The following DDHD2 variants were observed in gnomAD, a reference collection of about 807,000 sequenced individuals.
DDHD2 encodes the protein triacylglycerol hydrolase DDHD2.
Under a neutral mutation model 91.2 loss-of-function variants are expected in DDHD2, and 62 were observed. The ratio of observed to expected loss-of-function variants is 0.68; its 90% confidence interval spans 0.55 to 0.84. The LOEUF (loss-of-function observed/expected upper bound fraction) is 0.84, where lower values mean the gene tolerates loss of function less well. Ranked by LOEUF, DDHD2 falls within the 40% of genes least tolerant of loss-of-function variation. DDHD2 has a pLI of 0.00. For synonymous variants in DDHD2, 271 were observed against 293.9 expected, an observed-to-expected ratio of 0.92 and a Z score of 0.80; for missense variants, 740 against 846.9, an observed-to-expected ratio of 0.87 and a Z score of 1.57.
At chr8:38,244,996 T>C (rs965307533) in intron 7 of DDHD2, among the ~76,000 whole-genome samples, 71 of 151,060 alleles carry the variant, frequency 4.7e-4, no homozygotes, top group African/African-American at 1.7e-3. Flanking sequence ...TTATACATAT[T>C]TTATACATAT....
downstream of DDHD2, chr8:38,264,966 A>G (rs764558852): frequency 4.4e-6 from 7 of 1,574,502 alleles, no homozygotes; most frequent in East Asian, 1.3e-4. Flanking sequence ...GAAGGAATAA[A>G]GTATTTTAAG....
chr8:38,251,870 G>A lies in DDHD2; in HGVS notation c.1345-42G>A, dbSNP rs369707135. The A allele has an allele frequency of 6.7e-5, 99 of 1,470,636 alleles. No individual in the cohort carries two copies. In the Middle Eastern group the frequency reaches 8.6e-4, roughly 13 times the overall value. 91.1% of individuals were successfully genotyped at this position (1,470,636 alleles called of 1,614,324 possible). On this transcript the variant is annotated intron_variant, in intron 11 of 17. Coordinates refer to ENST00000397166, the MANE Select transcript of DDHD2 (RefSeq NM_015214.3). ...GTAGCTGGGACTACAGGTGCATGCC[G>A]TCATGCCCAGCTTCTCCACATAACT...
intron 16 of DDHD2, among the ~76,000 whole-genome samples, chr8:38,256,046 C>T (rs979485580): frequency 4.6e-5 from 7 of 152,126 alleles, no homozygotes; most frequent in Non-Finnish European, 7.3e-5. Flanking sequence ...ATATACTGTA[C>T]ATATTAAAAG....
downstream of DDHD2, chr8:38,264,976 GA>G: frequency 6.5e-7 from 1 of 1,539,648 alleles, no homozygotes; most frequent in East Asian, 2.2e-5. Flanking sequence ...AGTATTTTAA[GA>G]GTTGCTTCTC....
chr8:38,266,392 ATGAG>A, downstream of DDHD2: 2 of 1,258,288 alleles, frequency 1.6e-6, no homozygotes, highest in Non-Finnish European at 2.2e-6. Context: ...GCTAGGAAGC[ATGAG>A]TATGTTTTTA....
chr8:38,245,579 C>T (rs1463884276), intron 7 of DDHD2, among the ~76,000 whole-genome samples, 163 bp from the exon 8 acceptor site: 1 of 152,102 alleles, frequency 6.6e-6, no homozygotes, highest in East Asian at 1.9e-4. Flanking sequence ...TTGCTTATCA[C>T]ATTCCTCTGG....
intron 6 of DDHD2, 149 bp downstream of exon 6, chr8:38,240,513 C>G (rs1224599350): frequency 2.1e-6 from 1 of 475,206 alleles, no homozygotes; most frequent in Non-Finnish European, 3.7e-6. Context: ...CAGCTTAGAC[C>G]TGAAGTGCTA....
chr8:38,233,267 A>G (rs963074678), intron 2 of DDHD2, 53 bp downstream of exon 2: 30 of 1,428,976 alleles, frequency 2.1e-5, no homozygotes, highest in Non-Finnish European at 2.6e-5. Context: ...TCTTCAAACT[A>G]TAATATAATG....
intron 7 of DDHD2, among the ~76,000 whole-genome samples, chr8:38,244,853 C>T (rs917512483): frequency 2.6e-5 from 4 of 152,014 alleles, no homozygotes; most frequent in African/African-American, 4.8e-5. Context: ...CGTGAGCCAC[C>T]GCTCCTGGCC....
At chr8:38,265,163 G>A (rs1253769791), downstream of DDHD2, 1 of 502,660 alleles carries the variant, frequency 2.0e-6, no homozygotes, top group African/African-American at 2.0e-5. Flanking sequence ...ATACTCAGGA[G>A]GCTGAGGCAG....
Position 38,249,792 on chromosome 8 carries a change from A to G in DDHD2, c.1333A>G (p.Lys445Glu), listed in dbSNP as rs756719052. Residue 445 changes from lysine (K) to glutamate (E), a missense_variant, in exon 11 of 18, where the codon AAA (lysine) becomes GAA (glutamate). By Grantham distance (56) the Lys-to-Glu change is moderately conservative (BLOSUM62 1). This residue lies in a region of DDHD2 where 693 missense variants were observed against 764.2 expected (regional missense o/e 0.91). Transcript: ENST00000397166. Reference sequence around the variant, plus strand: ...GATATTAAACTATTTCAGCACCAGAAAAAACTCAATGGTATGTGCCTAATA... The same window carrying G: ...GATATTAAACTATTTCAGCACCAGAGAAAACTCAATGGTATGTGCCTAATA... ...KKILNYFSTR[K>E]NSMGIKRPAP... 6.2e-7 allele frequency: 1 copy of G among 1,606,496 alleles called. No homozygotes were observed. Among genetic ancestry groups the G allele is most frequent in the African/African-American group, 1.3e-5 (1 of 74,756 alleles).
chr8:38,268,763 G>C (rs1416712110), intron 1 of DDHD2: 7 of 1,436,780 alleles, frequency 4.9e-6, no homozygotes, highest in Non-Finnish European at 6.4e-6. Context: ...GGAACCCAGC[G>C]CACAGCAGCG....
chr8:38,232,361 G>T (rs764807012), intron 1 of DDHD2, among the ~76,000 whole-genome samples: 1 of 152,244 alleles, frequency 6.6e-6, no homozygotes, highest in Non-Finnish European at 1.5e-5. Context: ...TTTTGAGGTC[G>T]CTTGTTAGCT....
chr8:38,242,397 T>G lies in DDHD2; in HGVS notation c.848+12T>G. The G allele has an allele frequency of 6.2e-7, 1 of 1,606,736 alleles. No individual in the cohort carries two copies. Among genetic ancestry groups the G allele is most frequent in the South Asian group, 1.1e-5 (1 of 88,706 alleles). ...ACTGGTGTGGATGTGTGAGTAATAC[T>G]TAATACCTTCGAGTTGTTAGCTGTG... On this transcript the variant is annotated intron_variant, in intron 7 of 17. Transcript: ENST00000397166.
chr8:38,236,343 T>TTTTTTG (rs1037437802), intron 3 of DDHD2, among the ~76,000 whole-genome samples: 8 of 150,512 alleles, frequency 5.3e-5, no homozygotes, highest in Admixed American at 6.6e-5. Flanking sequence ...TTTTTTTGCT[T>TTTTTTG]TTTTTGTTTT....
chr8:38,237,973 T>TGG, intron 4 of DDHD2, 116 bp from the exon 5 acceptor site: 1 of 1,062,830 alleles, frequency 9.4e-7, no homozygotes, highest in Non-Finnish European at 1.3e-6. Flanking sequence ...ATATCAAAAC[T>TGG]CCAGTTCAGA....
Position 38,252,225 on chromosome 8 carries a change from A to T in DDHD2, c.1555A>T (p.Lys519Ter). ...AATGTTCCTTACTGTCCGAGGACTAAAAAGAATTGATCCCAACTACAGATT... is the reference window on the plus strand; with the variant it reads ...AATGTTCCTTACTGTCCGAGGACTATAAAGAATTGATCCCAACTACAGATT... ...IGMFLTVRGLKRIDPNYRFPT... is the reference protein window; with the variant it reads ...IGMFLTVRGL The change falls in exon 13 of 18, where the codon AAA (lysine) becomes TAA (stop). Residue 519 changes from lysine (K) to a stop codon, truncating the protein, a stop_gained. Coordinates refer to ENST00000397166, the MANE Select transcript of DDHD2 (RefSeq NM_015214.3). LOFTEE classifies it high-confidence loss of function. 1 of 1,614,160 alleles carries T rather than the reference A, an allele frequency of 6.2e-7. No individual in the cohort carries two copies. Among genetic ancestry groups the T allele is most frequent in the Non-Finnish European group, 8.5e-7 (1 of 1,180,018 alleles).
intron 16 of DDHD2, among the ~76,000 whole-genome samples, chr8:38,259,481 G>A (rs940172556): frequency 6.6e-6 from 1 of 152,018 alleles, no homozygotes; most frequent in Non-Finnish European, 1.5e-5. Flanking sequence ...CGCTTCCTGG[G>A]TTCAAGCAAT....
downstream of DDHD2, chr8:38,267,112 C>A: frequency 6.7e-7 from 1 of 1,501,982 alleles, no homozygotes; most frequent in Admixed American, 2.2e-5. Flanking sequence ...ATAGTCAAGG[C>A]TCAGACTTGT....
Sources: gnomAD v4.1 joint callset for allele counts (sites outside exome capture counted in the v4.1 genomes callset) on GRCh38, gnomAD v4.1.1 for gene constraint, gnomAD v4.1.1 regional missense constraint, MANE v1.5 for transcripts, NCBI Gene and HGNC (gene_info 2026-07-23, HGNC 2026-07-21) for gene names.